The following MB21D2 variants were observed in gnomAD, a reference collection of about 807,000 sequenced individuals.
MB21D2 encodes nucleotidyltransferase MB21D2.
Under a neutral mutation model 33.3 loss-of-function variants are expected in MB21D2, and 9 were observed. The observed-to-expected ratio is 0.27, with a 90% CI of 0.16 to 0.47. The LOEUF is 0.47. Among genes scored for constraint, MB21D2 ranks in the 20% least tolerant of loss-of-function variants. The probability of loss-of-function intolerance (pLI) is 0.99; values close to 1 mark genes in which losing one functional copy is unlikely to be tolerated. For synonymous variants in MB21D2, 241 were observed against 236.3 expected (o/e 1.02, Z -0.18); for missense variants, 540 against 624.6 (o/e 0.86, Z 1.44).
chr3:192,880,200 A>AGGAATCGT, intron 1 of MB21D2, among the ~76,000 whole-genome samples: 2 of 152,050 alleles, frequency 1.3e-5, no homozygotes, highest in African/African-American at 4.8e-5. Flanking sequence ...AAAAAAAATT[A>AGGAATCGT]GCCAGGCGTG....
At chr3:192,863,798 C>T (rs532722441) in intron 1 of MB21D2, among the ~76,000 whole-genome samples, 3 of 152,282 alleles carry the variant, frequency 2.0e-5, no homozygotes, top group African/African-American at 7.2e-5. Flanking sequence ...CTCCTTCCAT[C>T]AGGTGAGGAC....
At position 192,898,330 on chromosome 3, in the gene MB21D2, C is replaced by A. The variant is rs74529788; in HGVS notation, c.211+19300G>T. On this transcript the variant is annotated intron_variant, in intron 1 of 1. Coordinates refer to ENST00000392452, the MANE Select transcript of MB21D2 (RefSeq NM_178496.4). ...TCAACCTCCCAAGCAGCTGGGACTA[C>A]AGGTGTGCATCACTATCTCATACTT... is the stretch of plus-strand genomic sequence containing the variant. 4.5e-3 allele frequency among the ~76,000 whole-genome samples: 687 copies of A among 151,796 alleles called. 30 individuals are homozygous for A. The East Asian group carries it at 0.084, about 19-fold the overall frequency.
At chr3:192,812,929 T>C (rs1220709672) in intron 1 of MB21D2, among the ~76,000 whole-genome samples, 1 of 152,154 alleles carries the variant, frequency 6.6e-6, no homozygotes, top group South Asian at 2.1e-4. Flanking sequence ...TCCCAAAAAC[T>C]GCCAGGAGAT....
At chr3:192,849,320 G>GGT (rs1560238548) in intron 1 of MB21D2, among the ~76,000 whole-genome samples, 1 of 134,232 alleles carries the variant, frequency 7.4e-6, no homozygotes, top group East Asian at 2.7e-4. Flanking sequence ...TTTTTTTGGG[G>GGT]GGGGGGCGGG....
At chr3:192,900,034 C>T (rs1714059055) in intron 1 of MB21D2, among the ~76,000 whole-genome samples, 1 of 152,028 alleles carries the variant, frequency 6.6e-6, no homozygotes, top group Non-Finnish European at 1.5e-5. Flanking sequence ...CCTGTAATCC[C>T]AGCACTTTGG....
intron 1 of MB21D2, among the ~76,000 whole-genome samples, chr3:192,907,714 C>G (rs910901197): frequency 2.0e-5 from 3 of 152,242 alleles, no homozygotes; most frequent in Non-Finnish European, 2.9e-5. Flanking sequence ...TAGTATTGAT[C>G]GCAAATAACA....
intron 1 of MB21D2, among the ~76,000 whole-genome samples, chr3:192,826,024 G>C (rs977702070): frequency 6.6e-6 from 1 of 152,156 alleles, no homozygotes; most frequent in Non-Finnish European, 1.5e-5. Context: ...CTGGTGCTGG[G>C]AAACTGTCTA....
At chr3:192,865,628 G>A (rs1022258318) in intron 1 of MB21D2, among the ~76,000 whole-genome samples, 36 of 152,182 alleles carry the variant, frequency 2.4e-4, no homozygotes, top group African/African-American at 8.4e-4. Context: ...AATTGAAGCT[G>A]TAAGATGCCT....
chr3:192,879,368 CTG>C (rs1713510303), intron 1 of MB21D2, among the ~76,000 whole-genome samples: 1 of 152,222 alleles, frequency 6.6e-6, no homozygotes, highest in African/African-American at 2.4e-5. Flanking sequence ...CAAGGGGACT[CTG>C]AGAGACAGAG....
chr3:192,907,337 T>C (rs1225854728), intron 1 of MB21D2, among the ~76,000 whole-genome samples: 2 of 152,138 alleles, frequency 1.3e-5, no homozygotes, highest in African/African-American at 4.8e-5. Context: ...CTATATACCC[T>C]TGGCTCAGGT....
intron 1 of MB21D2, among the ~76,000 whole-genome samples, chr3:192,897,385 T>TA (rs1361503882): frequency 6.6e-6 from 1 of 152,136 alleles, no homozygotes; most frequent in Non-Finnish European, 1.5e-5. Context: ...GAGGCCCCAC[T>TA]AACCAAGGGT....
chr3:192,804,680 TG>T (rs1404541187), intron 1 of MB21D2, among the ~76,000 whole-genome samples: 9 of 152,150 alleles, frequency 5.9e-5, no homozygotes, highest in Non-Finnish European at 1.2e-4. Context: ...ATTCCAGCAG[TG>T]GGTTTTAATG....
At chr3:192,882,806 C>A (rs1713634422) in intron 1 of MB21D2, among the ~76,000 whole-genome samples, 1 of 151,680 alleles carries the variant, frequency 6.6e-6, no homozygotes, top group African/African-American at 2.4e-5. Context: ...ACGATCTTGG[C>A]TCACTGCAAC....
intron 1 of MB21D2, among the ~76,000 whole-genome samples, chr3:192,900,669 G>A (rs1187800397): frequency 2.0e-5 from 3 of 151,812 alleles, no homozygotes; most frequent in South Asian, 2.1e-4. Flanking sequence ...CAGGCCGGGC[G>A]CGGTGGCTCA....
At chr3:192,868,514 T>A (rs1713217214) in intron 1 of MB21D2, among the ~76,000 whole-genome samples, 1 of 151,128 alleles carries the variant, frequency 6.6e-6, no homozygotes, top group Admixed American at 6.6e-5. Flanking sequence ...TGTATTAAGT[T>A]TTTTTTTTTA....
At chr3:192,874,230 A>G (rs1292423914) in intron 1 of MB21D2, among the ~76,000 whole-genome samples, 1 of 152,180 alleles carries the variant, frequency 6.6e-6, no homozygotes, top group African/African-American at 2.4e-5. Context: ...GGCTGTACAT[A>G]AAAATTTTGC....
In MB21D2 at chr3:192,810,542, G is replaced by A. The variant is rs75642856; in HGVS notation, c.212-10892C>T. On this transcript the variant is annotated intron_variant, in intron 1 of 1. Coordinates refer to ENST00000392452, the MANE Select transcript of MB21D2 (RefSeq NM_178496.4). Reference sequence around the variant, plus strand: ...AAGAAGACCCTGTCTTACTTTAGACGAGTTTACTAACTTGTTTTACTGTTT... The same window carrying A: ...AAGAAGACCCTGTCTTACTTTAGACAAGTTTACTAACTTGTTTTACTGTTT... 4.6e-3 allele frequency among the ~76,000 whole-genome samples: 696 copies of A among 152,256 alleles called. 5 individuals carry two copies. The highest frequency in any genetic ancestry group is 0.016 in the African/African-American group (677 of 41,536).
At chr3:192,904,274 A>G (rs1431416917) in intron 1 of MB21D2, among the ~76,000 whole-genome samples, 1 of 152,202 alleles carries the variant, frequency 6.6e-6, no homozygotes, top group African/African-American at 2.4e-5. Context: ...AACTAGCTGT[A>G]TGCTGTGGAT....
chr3:192,848,669 T>C (rs191102283), intron 1 of MB21D2, among the ~76,000 whole-genome samples: 1 of 152,368 alleles, frequency 6.6e-6, no homozygotes, highest in Non-Finnish European at 1.5e-5. Context: ...GTCAGAGTTT[T>C]ATACACCAGC....
Sources: gnomAD v4.1 joint callset for allele counts (sites outside exome capture counted in the v4.1 genomes callset) on GRCh38, gnomAD v4.1.1 for gene constraint, MANE v1.5 for transcripts, NCBI Gene and HGNC (gene_info 2026-07-23, HGNC 2026-07-21) for gene names.